Variants in CCDC171 observed in about 807,000 individuals in gnomAD.
The protein encoded by CCDC171 is coiled-coil domain-containing protein 171.
In CCDC171, 177 loss-of-function variants were observed where a neutral mutation model predicts 168.2. The ratio of observed to expected loss-of-function variants is 1.05; its 90% CI spans 0.93 to 1.19. CCDC171 has a LOEUF of 1.19. CCDC171 is among the 50% of genes most tolerant of loss of function. The probability of loss-of-function intolerance (pLI) is 0.00; values close to 1 mark genes in which losing one functional copy is unlikely to be tolerated. For missense variants in CCDC171, 1,991 were observed against 1,539.0 expected (o/e 1.29, Z -4.91); for synonymous variants, 687 against 540.8 (o/e 1.27, Z -3.75).
chr9:15,984,235 C>T (rs576616239), intron 3 of CCDC171, among the ~76,000 whole-genome samples: 24 of 55,026 alleles, frequency 4.4e-4, no homozygotes, highest in Middle Eastern at 0.015. Context: ...CATAGACTTC[C>T]AGGCCTCAGA....
chr9:15,767,276 G>A (rs1011862960), intron 18 of CCDC171, among the ~76,000 whole-genome samples: 1 of 152,132 alleles, frequency 6.6e-6, no homozygotes, highest in Non-Finnish European at 1.5e-5. Context: ...GGCTGTAAGG[G>A]TGAATCTGAT....
chr9:15,815,665 T>C (rs2059539262), intron 21 of CCDC171, among the ~76,000 whole-genome samples: 1 of 116,370 alleles, frequency 8.6e-6, no homozygotes, highest in East Asian at 2.1e-4. Flanking sequence ...TGGTAAACCT[T>C]TAAACAAAAG....
intron 10 of CCDC171, among the ~76,000 whole-genome samples, chr9:15,689,303 C>G (rs1011597709): frequency 6.6e-6 from 1 of 152,192 alleles, no homozygotes; most frequent in Admixed American, 6.5e-5. Context: ...AATGCAATCT[C>G]CATCAAAATC....
intron 18 of CCDC171, among the ~76,000 whole-genome samples, chr9:15,763,357 C>A (rs2056551938): frequency 6.6e-6 from 1 of 152,116 alleles, no homozygotes; most frequent in African/African-American, 2.4e-5. Context: ...ACATTGTTGA[C>A]CTCAATATCT....
chr9:15,567,214 G>A (rs890284967), intron 2 of CCDC171, among the ~76,000 whole-genome samples: 1 of 152,022 alleles, frequency 6.6e-6, no homozygotes, highest in Admixed American at 6.6e-5. Context: ...TAGAGACGGG[G>A]TTTCACAATC....
Position 15,633,071 on chromosome 9 carries a change from A to G in CCDC171, c.822+9658A>G, listed in dbSNP as rs533055539. Among the ~76,000 whole-genome samples, 18 of 152,340 alleles carry G rather than the reference A, an allele frequency of 1.2e-4. No homozygotes were observed. In the East Asian group the frequency reaches 1.7e-3, roughly 15 times the overall value. On this transcript the variant is annotated intron_variant, in intron 7 of 25. Transcript: ENST00000380701. ...TTAGACCTAAAATCATAGAAACCCT[A>G]TAGGAAAACCTAGGCATTAGCATTC... is the stretch of plus-strand genomic sequence containing the variant.
intron 1 of CCDC171, among the ~76,000 whole-genome samples, chr9:15,554,445 T>A (rs532151019): frequency 6.6e-6 from 1 of 152,302 alleles, no homozygotes; most frequent in South Asian, 2.1e-4. Flanking sequence ...AGAGGAAAGA[T>A]GAAGGGCATA....
chr9:16,028,473 C>G (rs1833313949), intron 6 of CCDC171, among the ~76,000 whole-genome samples: 1 of 152,072 alleles, frequency 6.6e-6, no homozygotes, highest in Non-Finnish European at 1.5e-5. Context: ...TCAGGGTTAC[C>G]AGATGAAATA....
chr9:15,899,199 C>T lies in CCDC171; in HGVS notation c.3601-21071C>T, dbSNP rs532044556. ...TAATAGTTTATTGGTGACTTGTTTT[C>T]GTGGTATGGATGTATCACAGTTTGT... On this transcript the variant is annotated intron_variant, in intron 24 of 25. Transcript: ENST00000380701. Among the ~76,000 whole-genome samples the T allele has an allele frequency of 1.5e-4, 23 of 151,942 alleles. No individual in the cohort carries two copies. In the South Asian group the frequency reaches 4.6e-3, roughly 30 times the overall value.
At chr9:15,579,153 C>G (rs905391159) in intron 4 of CCDC171, 130 bp downstream of exon 4, 1 of 660,856 alleles carries the variant, frequency 1.5e-6, no homozygotes, top group Non-Finnish European at 2.4e-6. Context: ...TTTTGATGTA[C>G]AGACTTAGCT....
At chr9:15,794,744 G>A (rs545625438) in intron 21 of CCDC171, among the ~76,000 whole-genome samples, 1 of 152,190 alleles carries the variant, frequency 6.6e-6, no homozygotes, top group Non-Finnish European at 1.5e-5. Context: ...TTTCCTATCA[G>A]AAGTTTGCTG....
At chr9:15,796,314 A>T (rs185539818) in intron 21 of CCDC171, among the ~76,000 whole-genome samples, 4 of 152,316 alleles carry the variant, frequency 2.6e-5, no homozygotes, top group African/African-American at 9.6e-5. Context: ...AATGATGGAT[A>T]ATAAGAAATT....
At chr9:15,793,940 G>A (rs944246651) in intron 21 of CCDC171, among the ~76,000 whole-genome samples, 3 of 151,768 alleles carry the variant, frequency 2.0e-5, no homozygotes, top group African/African-American at 7.3e-5. Context: ...TATAATGATA[G>A]TTTTGTTTTT....
At chr9:15,748,425 C>T (rs1413031020) in intron 18 of CCDC171, among the ~76,000 whole-genome samples, 1 of 152,046 alleles carries the variant, frequency 6.6e-6, no homozygotes, top group Non-Finnish European at 1.5e-5. Context: ...GAGAACTTCC[C>T]AAACATAGCA....
intron 23 of CCDC171, among the ~76,000 whole-genome samples, chr9:15,860,021 A>T (rs1437900924): frequency 6.6e-6 from 1 of 150,724 alleles, no homozygotes. Flanking sequence ...GTTAGGTTGC[A>T]TGTTTCTTAG....
chr9:16,015,707 T>A (rs972988673), intron 3 of CCDC171, among the ~76,000 whole-genome samples: 7 of 152,198 alleles, frequency 4.6e-5, no homozygotes, highest in Non-Finnish European at 1.0e-4. Context: ...TATTGTTATG[T>A]AACCACTATC....
chr9:15,906,196 C>G (rs1335954408), intron 24 of CCDC171, among the ~76,000 whole-genome samples: 1 of 152,124 alleles, frequency 6.6e-6, no homozygotes, highest in Non-Finnish European at 1.5e-5. Flanking sequence ...ATCCTGATAC[C>G]AAAGCCTGGC....
At chr9:15,779,403 A>T (rs529477621) in intron 20 of CCDC171, among the ~76,000 whole-genome samples, 2 of 152,066 alleles carry the variant, frequency 1.3e-5, no homozygotes, top group Non-Finnish European at 2.9e-5. Flanking sequence ...TCTGTTGCCC[A>T]GGCTGGAGTG....
chr9:15,640,601 G>C (rs2046533268), intron 7 of CCDC171, among the ~76,000 whole-genome samples: 1 of 152,030 alleles, frequency 6.6e-6, no homozygotes, highest in Non-Finnish European at 1.5e-5. Context: ...CTGTCATGTA[G>C]AAGTGACATT....
Sources: gnomAD v4.1 joint callset for allele counts (sites outside exome capture counted in the v4.1 genomes callset) on GRCh38, gnomAD v4.1.1 for gene constraint, MANE v1.5 for transcripts, NCBI Gene and HGNC (gene_info 2026-07-23, HGNC 2026-07-21) for gene names.